The following DNAJC13 variants were observed in gnomAD, a reference collection of about 807,000 sequenced individuals.
DNAJC13 encodes the protein dnaJ homolog subfamily C member 13.
DNAJC13 carries 75 observed loss-of-function variants against 290.5 expected under a neutral mutation model. The ratio of observed to expected loss-of-function variants is 0.26; its 90% confidence interval spans 0.21 to 0.31. DNAJC13 has a LOEUF of 0.31. Ranked by LOEUF, DNAJC13 falls within the 10% of genes least tolerant of loss-of-function variation. DNAJC13 has a pLI of 1.00. For missense variants in DNAJC13, 2,260 were observed against 2,674.5 expected (o/e 0.85, Z 3.42); for synonymous variants, 862 against 892.0 (o/e 0.97, Z 0.60).
chr3:132,510,904 G>A (rs1015908507), intron 43 of DNAJC13, among the ~76,000 whole-genome samples, 163 bp from the exon 44 acceptor site: 2 of 152,106 alleles, frequency 1.3e-5, no homozygotes, highest in African/African-American at 4.8e-5. Flanking sequence ...ACTTTATAAT[G>A]TTTCCTGCCC....
At chr3:132,422,860 A>G (rs938594609) in intron 1 of DNAJC13, among the ~76,000 whole-genome samples, 3 of 152,156 alleles carry the variant, frequency 2.0e-5, no homozygotes, top group Non-Finnish European at 4.4e-5. Flanking sequence ...AGTCAGTGGA[A>G]TTTTACAGTT....
intron 26 of DNAJC13, among the ~76,000 whole-genome samples, chr3:132,481,682 A>G (rs1934680097): frequency 6.6e-6 from 1 of 152,252 alleles, no homozygotes; most frequent in Non-Finnish European, 1.5e-5. Flanking sequence ...AGAACATTGT[A>G]AGAATTATTT....
intron 51 of DNAJC13, among the ~76,000 whole-genome samples, chr3:132,525,297 G>T (rs1038562558): frequency 6.6e-6 from 1 of 152,088 alleles, no homozygotes; most frequent in Non-Finnish European, 1.5e-5. Flanking sequence ...CCGAGATCGC[G>T]CCATTGCACT....
At chr3:132,496,465 CTTGT>C (rs775619001) in intron 35 of DNAJC13, 59 bp from the exon 36 acceptor site, 67 of 1,415,478 alleles carry the variant, frequency 4.7e-5, no homozygotes, top group Non-Finnish European at 6.0e-5. Flanking sequence ...AACCATATGT[CTTGT>C]TTAAGTTGAA....
intron 29 of DNAJC13, among the ~76,000 whole-genome samples, chr3:132,485,599 G>A (rs548539044): frequency 6.6e-6 from 1 of 152,156 alleles, no homozygotes; most frequent in African/African-American, 2.4e-5. Flanking sequence ...CCAGTTTGTG[G>A]TGTATGTTGA....
intron 43 of DNAJC13, 91 bp downstream of exon 43, chr3:132,507,444 C>A: frequency 1.4e-6 from 1 of 733,068 alleles, no homozygotes; most frequent in Non-Finnish European, 2.3e-6. Context: ...AGGCACACTT[C>A]ATTTTATTGC....
chr3:132,459,310 A>G (rs559031239), intron 13 of DNAJC13, among the ~76,000 whole-genome samples: 2 of 152,348 alleles, frequency 1.3e-5, no homozygotes, highest in African/African-American at 4.8e-5. Flanking sequence ...AACCTTGAGA[A>G]CATGATGCTA....
In DNAJC13 at chr3:132,502,345, T is replaced by A; in HGVS notation, c.4593T>A (p.Asp1531Glu). ...GVECVSSFAV[D>E]FWLQTHLFQA... is the part of the protein sequence containing the mutation. ...AATGTGTCAGTTCTTTTGCTGTGGA[T>A]TTCTGGCTACAGACACACCTATTTC... Residue 1531 changes from aspartate to glutamate, a missense_variant, in exon 40 of 56, where the codon GAT (aspartate) becomes GAA (glutamate). Physicochemically the swap from Asp to Glu is conservative, Grantham distance 45. This residue lies in a region of DNAJC13 where 1,494 missense variants were observed against 1,693.7 expected (regional missense o/e 0.88). Transcript: ENST00000260818. 6.2e-7 allele frequency: 1 copy of A among 1,614,022 alleles called. No individual in the cohort carries two copies. The highest frequency in any genetic ancestry group is 8.5e-7 in the Non-Finnish European group (1 of 1,179,974).
intron 43 of DNAJC13, among the ~76,000 whole-genome samples, chr3:132,508,890 C>G (rs891745078): frequency 3.9e-5 from 6 of 152,192 alleles, no homozygotes; most frequent in African/African-American, 1.4e-4. Context: ...CTGTGGAGAC[C>G]TACTGCTCAG....
At chr3:132,477,651 T>C (rs1390470811) in intron 22 of DNAJC13, 138 bp from the exon 23 acceptor site, 7 of 610,524 alleles carry the variant, frequency 1.1e-5, no homozygotes, top group Non-Finnish European at 2.0e-5. Context: ...TTAGCTAAAA[T>C]AGTCATGTTA....
intron 9 of DNAJC13, 55 bp downstream of exon 9, chr3:132,454,212 G>A: frequency 7.9e-7 from 1 of 1,265,920 alleles, no homozygotes; most frequent in South Asian, 1.4e-5. Context: ...CAAAGTGCTT[G>A]GTCAACAAGG....
intron 5 of DNAJC13, among the ~76,000 whole-genome samples, chr3:132,450,344 G>T (rs572575279): frequency 6.6e-6 from 1 of 152,018 alleles, no homozygotes; most frequent in African/African-American, 2.4e-5. Context: ...TTTCTATGTA[G>T]GATTTCCTCT....
chr3:132,507,332 A>G lies in DNAJC13; in HGVS notation c.5094A>G (p.Glu1698=). 1.2e-6 allele frequency: 2 copies of G among 1,605,066 alleles called. No homozygotes were observed. The highest frequency in any genetic ancestry group is 1.7e-6 in the Non-Finnish European group (2 of 1,172,052). ...AGATTTTTGTTAGGGTGTATAATGA[A>G]GTTCCTACTTTCCAACTGGAGGTAA... ...VGEIFVRVYN[E]VPTFQLEVPK... Residue 1698 remains glutamate (E), a synonymous_variant, in exon 43 of 56, where the codon GAA becomes GAG. Coordinates refer to ENST00000260818, the MANE Select transcript of DNAJC13 (RefSeq NM_015268.4).
chr3:132,481,714 A>C (rs1199010060), intron 26 of DNAJC13, among the ~76,000 whole-genome samples: 1 of 152,242 alleles, frequency 6.6e-6, no homozygotes, highest in Non-Finnish European at 1.5e-5. Flanking sequence ...AATAGGTATT[A>C]AATTGAGACT....
intron 21 of DNAJC13, among the ~76,000 whole-genome samples, chr3:132,473,898 T>TGAA (rs1305425109): frequency 1.3e-5 from 2 of 152,354 alleles, no homozygotes; most frequent in African/African-American, 2.4e-5. Context: ...CTTGGATTTC[T>TGAA]CTCTCAGTTG....
intron 5 of DNAJC13, among the ~76,000 whole-genome samples, chr3:132,448,480 G>A (rs150954305): frequency 6.6e-6 from 1 of 152,198 alleles, no homozygotes; most frequent in African/African-American, 2.4e-5. Context: ...TTCCAGTAAT[G>A]TAACAGCAGC....
chr3:132,492,660 G>T, intron 33 of DNAJC13, 45 bp downstream of exon 33: 1 of 1,548,372 alleles, frequency 6.5e-7, no homozygotes, highest in Non-Finnish European at 8.9e-7. Context: ...CATAAAAATA[G>T]CCTCTAAACA....
In DNAJC13 at chr3:132,500,905, T is replaced by G; in HGVS notation, c.4528T>G (p.Phe1510Val). The G allele has an allele frequency of 6.2e-7, 1 of 1,613,850 alleles. No individual in the cohort carries two copies. The highest frequency in any genetic ancestry group is 1.1e-5 in the South Asian group (1 of 91,054). The change falls in exon 39 of 56, where the codon TTT becomes GTT. Residue 1510 changes from phenylalanine to valine, a missense_variant. Coordinates refer to ENST00000260818, the MANE Select transcript of DNAJC13 (RefSeq NM_015268.4). Reference sequence around the variant, plus strand: ...CAAGGATCTCTGTCGGGTACTATATTTTGGCAAGGTAGGGTTAATCTTTAA... The same window carrying G: ...CAAGGATCTCTGTCGGGTACTATATGTTGGCAAGGTAGGGTTAATCTTTAA... ...IIKDLCRVLYFGKSIPRVAAL... is the reference protein window; with the variant it reads ...IIKDLCRVLYVGKSIPRVAAL...
intron 42 of DNAJC13, among the ~76,000 whole-genome samples, chr3:132,506,184 C>T (rs1037912351): frequency 6.7e-6 from 1 of 149,916 alleles, no homozygotes; most frequent in Admixed American, 6.7e-5. Context: ...TCTCGAGTAG[C>T]TGGGATTACA....
Sources: allele counts gnomAD v4.1 joint callset (sites outside exome capture counted in the v4.1 genomes callset), GRCh38; gene constraint gnomAD v4.1.1; regional missense constraint gnomAD v4.1.1; transcripts MANE v1.5; gene names NCBI Gene and HGNC (gene_info 2026-07-23, HGNC 2026-07-21).